The following SERPINB6 variants were observed in gnomAD, a reference collection of about 807,000 sequenced individuals.
SERPINB6 encodes the protein serpin family B member 6, also known as serpin B6.
Under a neutral mutation model 26.1 loss-of-function variants are expected in SERPINB6, and 16 were observed. The observed-to-expected ratio is 0.61, with a 90% CI of 0.42 to 0.93. The LOEUF is 0.93. Ranked by LOEUF, SERPINB6 falls within the 40% of genes least tolerant of loss-of-function variation. The pLI, the probability that SERPINB6 is intolerant of heterozygous loss-of-function variation, is 0.00. For synonymous variants in SERPINB6, 174 were observed against 176.6 expected, an observed-to-expected ratio of 0.99 and a Z score of 0.11; for missense variants, 420 against 478.0, an observed-to-expected ratio of 0.88 and a Z score of 1.13.
At chr6:2,968,538 T>C in intron 1 of SERPINB6, 2 of 1,168,518 alleles carry the variant, frequency 1.7e-6, no homozygotes, top group Non-Finnish European at 2.1e-6. Context: ...CTTTTCATCA[T>C]GATATTTGAT....
At chr6:2,954,034 GA>G (rs1008420642) in intron 4 of SERPINB6, among the ~76,000 whole-genome samples, 1 of 128,896 alleles carries the variant, frequency 7.8e-6, no homozygotes, top group African/African-American at 2.9e-5. Context: ...CCATCTCAAA[GA>G]AAAAAAAAGA....
chr6:2,955,926 A>C, intron 2 of SERPINB6: 3 of 395,888 alleles, frequency 7.6e-6, no homozygotes, highest in East Asian at 5.4e-5. Context: ...AACACACAAA[A>C]ATGAGCTGGG....
intron 1 of SERPINB6, among the ~76,000 whole-genome samples, chr6:2,963,175 A>C (rs6596925): frequency 0.85 from 129,023 of 152,164 alleles, 54,794 homozygotes; most frequent in East Asian, 0.94. Context: ...AACAGACCCC[A>C]GTAGAAACAC....
intron 3 of SERPINB6, 74 bp from the exon 4 acceptor site, chr6:2,954,783 C>T: frequency 1.0e-6 from 1 of 955,436 alleles, no homozygotes; most frequent in South Asian, 1.3e-5. Flanking sequence ...CTTCATTGCA[C>T]CAAGTCAGAA....
At chr6:2,962,132 T>C in intron 1 of SERPINB6, 1 of 985,428 alleles carries the variant, frequency 1.0e-6, no homozygotes, top group Non-Finnish European at 1.2e-6. Flanking sequence ...GATCTTTATA[T>C]CAGTAACTTC....
chr6:2,952,976 C>T (rs1247673263), intron 5 of SERPINB6, 68 bp downstream of exon 5: 6 of 1,605,432 alleles, frequency 3.7e-6, no homozygotes, highest in African/African-American at 1.3e-5. Context: ...GCTGCAGACG[C>T]GGGAGGCCCC....
intron 1 of SERPINB6, chr6:2,969,347 A>C (rs1771921423): frequency 2.0e-6 from 2 of 984,398 alleles, no homozygotes; most frequent in South Asian, 9.4e-5. Flanking sequence ...TGTCCTTCAT[A>C]TATATATGTG....
chr6:2,970,330 G>C (rs1772025718), intron 1 of SERPINB6: 2 of 989,842 alleles, frequency 2.0e-6, no homozygotes, highest in African/African-American at 3.5e-5. Flanking sequence ...ACATAGTCGA[G>C]TATGACCAAA....
At chr6:2,964,913 TGCAG>T (rs1771467013) in intron 1 of SERPINB6, among the ~76,000 whole-genome samples, 1 of 152,228 alleles carries the variant, frequency 6.6e-6, no homozygotes, top group African/African-American at 2.4e-5. Context: ...CACGGCCCAC[TGCAG>T]CCTCGAACTC....
chr6:2,971,094 G>T, intron 1 of SERPINB6: 1 of 1,101,482 alleles, frequency 9.1e-7, no homozygotes, highest in Non-Finnish European at 1.1e-6. Context: ...GGTCACCGAG[G>T]CCGCGGGGCC....
chr6:2,959,372 T>C (rs775325291), intron 1 of SERPINB6, 30 bp from the exon 2 acceptor site: 8 of 1,609,980 alleles, frequency 5.0e-6, no homozygotes, highest in South Asian at 1.1e-5. Context: ...CAGTATCACT[T>C]AAGCACAGCT....
In SERPINB6 at chr6:2,967,045, C is replaced by A. The variant is rs1314553869; in HGVS notation, c.-11+4488G>T. The stretch of plus-strand genomic sequence containing the variant: ...AAGTACAAAACTCTTAGACTGATAT[C>A]ATCTGGGACTTCTCACCTTTCTCCA... On this transcript the variant is annotated intron_variant, in intron 1 of 6. Transcript: ENST00000380539. This position sits in a 1 kb window ranked among gnomAD's most constrained non-coding sequence, Gnocchi z 4.3. 1 of 985,316 alleles carries A rather than the reference C, an allele frequency of 1.0e-6. No homozygotes were observed. The highest frequency in any genetic ancestry group is 1.7e-5 in the African/African-American group (1 of 57,228). The allele number at this position is 985,316 out of a possible 1,614,324, so 61.0% of individuals were successfully genotyped here.
intron 1 of SERPINB6, chr6:2,968,694 A>C: frequency 8.1e-7 from 1 of 1,230,852 alleles, no homozygotes; most frequent in Non-Finnish European, 1.0e-6. Context: ...TTTTGTACCT[A>C]GACTTTCCAA....
intron 1 of SERPINB6, among the ~76,000 whole-genome samples, chr6:2,965,516 A>G (rs1454001863): frequency 2.6e-5 from 4 of 152,188 alleles, no homozygotes; most frequent in South Asian, 2.1e-4. Flanking sequence ...AATATGTCTA[A>G]TTTTTTAATG....
rs566884633 is a variant in SERPINB6 at position 2,950,868 on chromosome 6, G to A, written c.574-1799C>T. ...AAATGGAATAAATAAAATACACTGC[G>A]GCGGCAGCTTTCTGCTTTCACGTGG... On this transcript the variant is annotated intron_variant, in intron 5 of 6. Coordinates refer to ENST00000380539, the MANE Select transcript of SERPINB6 (RefSeq NM_004568.6). Among the ~76,000 whole-genome samples the A allele has an allele frequency of 3.7e-4, 57 of 152,326 alleles. 1 individual carries two copies. In the South Asian group the frequency reaches 9.7e-3, roughly 26 times the overall value.
chr6:2,952,149 A>C (rs2113149016), intron 5 of SERPINB6, among the ~76,000 whole-genome samples: 2 of 152,368 alleles, frequency 1.3e-5, no homozygotes, highest in South Asian at 4.1e-4. Flanking sequence ...TAATCATTAA[A>C]TTTTAAAGAG....
chr6:2,965,487 A>G (rs1771542536), intron 1 of SERPINB6, among the ~76,000 whole-genome samples: 1 of 152,176 alleles, frequency 6.6e-6, no homozygotes, highest in Non-Finnish European at 1.5e-5. Context: ...TTCTTATTTA[A>G]GTGTTGATGA....
intron 1 of SERPINB6, chr6:2,966,350 G>A (rs1470056143): frequency 7.1e-6 from 7 of 985,318 alleles, no homozygotes; most frequent in African/African-American, 1.7e-5. Flanking sequence ...GTTCTAATTG[G>A]CTGGTGGGAA....
At chr6:2,949,421 C>T (rs952248492) in intron 5 of SERPINB6, among the ~76,000 whole-genome samples, 1 of 152,236 alleles carries the variant, frequency 6.6e-6, no homozygotes, top group Non-Finnish European at 1.5e-5. Flanking sequence ...AAGAAACTCC[C>T]AGCGCCACCT....
Sources: gnomAD v4.1 joint callset for allele counts (sites outside exome capture counted in the v4.1 genomes callset) on GRCh38, gnomAD v4.1.1 for gene constraint, Gnocchi (gnomAD v3.1) non-coding constraint, MANE v1.5 for transcripts, NCBI Gene and HGNC (gene_info 2026-07-23, HGNC 2026-07-21) for gene names.